The following ENKUR variants were observed in gnomAD, a reference collection of about 807,000 sequenced individuals.
The protein encoded by ENKUR is enkurin.
ENKUR carries 19 observed loss-of-function variants against 27.6 expected under a neutral mutation model. That is an observed-to-expected ratio of 0.69 (90% CI 0.48 to 1.01). ENKUR has a LOEUF of 1.01. ENKUR is among the 50% of genes least tolerant of loss of function. The pLI is 0.00. For synonymous variants in ENKUR, 117 were observed against 96.9 expected (o/e 1.21, Z -1.22); for missense variants, 312 against 310.5 (o/e 1.00, Z -0.04).
Position 24,991,409 on chromosome 10 carries a change from C to T in ENKUR, c.448-800G>A, listed in dbSNP as rs1287404193. Among the ~76,000 whole-genome samples, 11 of 151,934 alleles carry T rather than the reference C, an allele frequency of 7.2e-5. No homozygotes were observed. The East Asian group carries it at 1.4e-3, about 19-fold the overall frequency. Reference sequence around the variant, plus strand: ...TCCATCCTGTGCCTATAAAACCCCCCGAGACCCTAGCAGGCAGGCACACAA... The same window carrying T: ...TCCATCCTGTGCCTATAAAACCCCCTGAGACCCTAGCAGGCAGGCACACAA... On this transcript the variant is annotated intron_variant, in intron 3 of 5. Transcript: ENST00000331161.
chr10:25,028,860 G>C (rs755654891), intron 2 of ENKUR, among the ~76,000 whole-genome samples: 3 of 152,134 alleles, frequency 2.0e-5, no homozygotes, highest in African/African-American at 4.8e-5. Context: ...TACATTTTCT[G>C]TTATTCATTC....
chr10:25,002,408 C>G (rs1447118755), intron 1 of ENKUR, among the ~76,000 whole-genome samples: 1 of 152,178 alleles, frequency 6.6e-6, no homozygotes, highest in African/African-American at 2.4e-5. Flanking sequence ...ATTCTGTCTC[C>G]TTAACTCAGG....
At chr10:25,027,362 A>G (rs1277217241) in intron 2 of ENKUR, among the ~76,000 whole-genome samples, 7 of 118,680 alleles carry the variant, frequency 5.9e-5, no homozygotes, top group Non-Finnish European at 1.0e-4. Flanking sequence ...CGTCTCAAAA[A>G]AAAAAAAAAA....
chr10:25,054,493 CTTT>C (rs765592278), intron 2 of ENKUR, among the ~76,000 whole-genome samples: 1 of 123,672 alleles, frequency 8.1e-6, no homozygotes, highest in African/African-American at 2.9e-5. Flanking sequence ...TTCTTTCTTT[CTTT>C]CTTTCTTTCT....
chr10:25,033,225 A>AACATAAATTTT lies in ENKUR; in HGVS notation c.37+27886_37+27887insAAAATTTATGT, dbSNP rs1850956712. 2.0e-5 allele frequency among the ~76,000 whole-genome samples: 3 copies of AACATAAATTTT among 152,016 alleles called. No homozygotes were observed. In the South Asian group the frequency reaches 6.3e-4, roughly 32 times the overall value. ...AGTTCAAGACCAGCCTGGTTAACAT[A>AACATAAATTTT]GGGAGACCTCTCTACAAAAATTTAA... On this transcript the variant is annotated intron_variant, in intron 2 of 5. Coordinates refer to the ENKUR transcript ENST00000615958.
intron 2 of ENKUR, among the ~76,000 whole-genome samples, chr10:25,056,442 A>G (rs962247974): frequency 6.6e-6 from 1 of 152,226 alleles, no homozygotes; most frequent in East Asian, 1.9e-4. Flanking sequence ...ATTTTGGGAA[A>G]ATTAGGGATT....
At chr10:25,016,586 C>G (rs1850582237), upstream of ENKUR, 1 of 152,324 alleles carries the variant, frequency 6.6e-6, no homozygotes, top group Non-Finnish European at 1.5e-5. Context: ...GTCACGTGCC[C>G]TGCGCGAGGC....
Position 25,023,282 on chromosome 10 carries a change from G to A in ENKUR, c.38-27413C>T. The A allele has an allele frequency of 2.5e-6, 4 of 1,613,992 alleles. No homozygotes were observed. The highest frequency in any genetic ancestry group is 3.4e-6 in the Non-Finnish European group (4 of 1,179,944). ...AAGATAACACAGAAATGTTTTTCTA[G>A]TATACATGTTAAAACGGATAAACAT... On this transcript the variant is annotated intron_variant, in intron 2 of 5. Coordinates refer to the ENKUR transcript ENST00000615958.
At chr10:24,999,266 T>A in intron 2 of ENKUR, 135 bp downstream of exon 2, 2 of 846,436 alleles carry the variant, frequency 2.4e-6, no homozygotes, top group Non-Finnish European at 3.5e-6. Flanking sequence ...TTCCACTTTC[T>A]CCTAGTCAAA....
At chr10:24,996,671 C>A (rs1017837260) in intron 2 of ENKUR, among the ~76,000 whole-genome samples, 5 of 152,144 alleles carry the variant, frequency 3.3e-5, no homozygotes, top group Admixed American at 1.3e-4. Flanking sequence ...TTAACCCCAT[C>A]ACAATTACTA....
At chr10:25,005,036 G>C (rs1293251466) in intron 1 of ENKUR, among the ~76,000 whole-genome samples, 6 of 152,072 alleles carry the variant, frequency 3.9e-5, no homozygotes, top group Non-Finnish European at 8.8e-5. Context: ...CATTGCTTGT[G>C]TTTGTCGGGT....
intron 2 of ENKUR, among the ~76,000 whole-genome samples, chr10:25,044,921 C>T (rs1186486048): frequency 6.6e-6 from 1 of 152,198 alleles, no homozygotes; most frequent in African/African-American, 2.4e-5. Flanking sequence ...TGGAATTTCT[C>T]TCCTCAATTT....
At chr10:25,052,551 G>A (rs1374103124) in intron 2 of ENKUR, among the ~76,000 whole-genome samples, 1 of 152,128 alleles carries the variant, frequency 6.6e-6, no homozygotes, top group Non-Finnish European at 1.5e-5. Context: ...AGAATCGCTT[G>A]AAGCCAGCAG....
intron 1 of ENKUR, among the ~76,000 whole-genome samples, chr10:25,007,610 A>G (rs1401271372): frequency 6.6e-6 from 1 of 151,904 alleles, no homozygotes; most frequent in Non-Finnish European, 1.5e-5. Flanking sequence ...AATTTTTTGT[A>G]TTTTTAGTAG....
At chr10:24,990,664 T>C in intron 3 of ENKUR, 55 bp from the exon 4 acceptor site, 3 of 1,493,334 alleles carry the variant, frequency 2.0e-6, no homozygotes, top group Non-Finnish European at 2.7e-6. Flanking sequence ...ATCTTACATA[T>C]GGGTACGTAT....
intron 2 of ENKUR, among the ~76,000 whole-genome samples, chr10:25,058,976 A>G (rs1851295065): frequency 6.6e-6 from 1 of 150,640 alleles, no homozygotes; most frequent in Non-Finnish European, 1.5e-5. Flanking sequence ...GGCCCACCTG[A>G]AACTCAGATA....
chr10:25,016,219 G>C, upstream of ENKUR: 1 of 1,118,540 alleles, frequency 8.9e-7, no homozygotes, highest in Non-Finnish European at 1.1e-6. Flanking sequence ...CCGCAAACTA[G>C]GTCTCCCCTC....
chr10:25,037,786 T>G (rs1322275454), intron 2 of ENKUR, among the ~76,000 whole-genome samples: 1 of 152,210 alleles, frequency 6.6e-6, no homozygotes, highest in Non-Finnish European at 1.5e-5. Context: ...TTCACTTCAT[T>G]GTTCCCTGAG....
intron 2 of ENKUR, among the ~76,000 whole-genome samples, chr10:25,032,998 C>T (rs1850954248): frequency 6.6e-6 from 1 of 152,056 alleles, no homozygotes. Context: ...AATTAACAAT[C>T]CTGATTAATA....
Sources: gnomAD v4.1 joint callset for allele counts (sites outside exome capture counted in the v4.1 genomes callset) on GRCh38, gnomAD v4.1.1 for gene constraint, MANE v1.5 for transcripts, NCBI Gene and HGNC (gene_info 2026-07-23, HGNC 2026-07-21) for gene names.